The following POU6F2 variants were observed in gnomAD, a reference collection of about 807,000 sequenced individuals.
POU6F2 encodes POU class 6 homeobox 2.
In POU6F2, 31 loss-of-function variants were observed where a neutral mutation model predicts 71.3. The observed-to-expected ratio is 0.43, with a 90% confidence interval of 0.33 to 0.59. The LOEUF (loss-of-function observed/expected upper bound fraction) is 0.59. Ranked by LOEUF, POU6F2 falls within the 20% of genes least tolerant of loss-of-function variation. The probability of loss-of-function intolerance (pLI) is 0.04; values close to 1 mark genes in which losing one functional copy is unlikely to be tolerated. For missense variants in POU6F2, 783 were observed against 856.8 expected (o/e 0.91, Z 1.07); for synonymous variants, 347 against 355.7 (o/e 0.98, Z 0.27).
rs187345392 is a variant in POU6F2 at position 39,255,270 on chromosome 7, G to A, written c.598+47650G>A. Among the ~76,000 whole-genome samples the A allele has an allele frequency of 5.6e-3, 851 of 152,210 alleles. 3 individuals are homozygous for A. The highest frequency in any genetic ancestry group is 7.5e-3 in the Non-Finnish European group (513 of 68,010). On this transcript the variant is annotated intron_variant, in intron 4 of 9. Transcript: ENST00000518318. ...AAATTATTTTAATTGGAAATAATAC[G>A]TGGTGAATGAGAAGGTCACAGCTAT...
At chr7:39,279,781 CT>C (rs1784526895) in intron 4 of POU6F2, among the ~76,000 whole-genome samples, 1 of 152,082 alleles carries the variant, frequency 6.6e-6, no homozygotes, top group Non-Finnish European at 1.5e-5. Context: ...GAGTTTCACT[CT>C]GTTGCCTGGG....
intron 2 of POU6F2, among the ~76,000 whole-genome samples, chr7:39,093,928 G>T (rs549422307): frequency 6.6e-6 from 1 of 152,018 alleles, no homozygotes; most frequent in Non-Finnish European, 1.5e-5. Context: ...GCTTCAAATT[G>T]TCTTACTGAA....
chr7:39,268,243 T>C (rs1368023039), intron 4 of POU6F2, among the ~76,000 whole-genome samples: 1 of 152,138 alleles, frequency 6.6e-6, no homozygotes, highest in East Asian at 1.9e-4. Flanking sequence ...GGAATGTAGA[T>C]AAAATAAAAT....
At position 39,049,006 on chromosome 7, in the gene POU6F2, C is replaced by T. The variant is rs1366270845; in HGVS notation, c.106-36854C>T. Among the ~76,000 whole-genome samples the T allele has an allele frequency of 2.6e-5, 4 of 152,034 alleles. No homozygotes were observed. In the East Asian group the frequency reaches 7.8e-4, roughly 30 times the overall value. ...ATTTTGGGGAAAAAGTTGTTAATGT[C>T]CCTTTAGAATCCTTTTAATTTCTGT... On this transcript the variant is annotated intron_variant, in intron 1 of 9. Transcript: ENST00000518318.
chr7:39,319,922 A>G (rs1360613774), intron 4 of POU6F2, among the ~76,000 whole-genome samples: 2 of 152,226 alleles, frequency 1.3e-5, no homozygotes, highest in Non-Finnish European at 2.9e-5. Context: ...AGAGATGTCT[A>G]CCTAATTCTC....
chr7:39,461,683 A>G (rs1395178518), intron 9 of POU6F2, among the ~76,000 whole-genome samples: 1 of 152,228 alleles, frequency 6.6e-6, no homozygotes, highest in East Asian at 1.9e-4. Flanking sequence ...AGTATGGGGT[A>G]GTAGCTTGCA....
In POU6F2 at chr7:39,451,628, C is replaced by T. The variant is rs754312073; in HGVS notation, c.1416C>T (p.Pro472=). 1.1e-5 allele frequency: 17 copies of T among 1,613,514 alleles called. No homozygotes were observed. Among genetic ancestry groups the T allele is most frequent in the South Asian group, 7.7e-5 (7 of 90,866 alleles). ...GCCAAGCATCCATGTCTCAAAGTCC[C>T]GTCCGGCAGGCTTCCTCTTCTTCCT... The part of the protein sequence containing the change: ...AHSQASMSQS[P]VRQASSSSSS... Residue 472 remains proline, a synonymous_variant, in exon 8 of 10, where the codon CCC becomes CCT. Transcript: ENST00000518318.
chr7:39,008,326 T>C (rs1789146741), intron 1 of POU6F2, among the ~76,000 whole-genome samples: 1 of 152,116 alleles, frequency 6.6e-6, no homozygotes, highest in Admixed American at 6.5e-5. Context: ...AAATATCTTC[T>C]TTTGAGAAGT....
intron 1 of POU6F2, among the ~76,000 whole-genome samples, chr7:39,015,437 T>G (rs1789454831): frequency 7.9e-6 from 1 of 127,254 alleles, no homozygotes; most frequent in Non-Finnish European, 1.6e-5. Flanking sequence ...ATATATAATA[T>G]ATAATCTAAT....
intron 1 of POU6F2, among the ~76,000 whole-genome samples, chr7:39,015,861 AATATAT>A (rs1789497558): frequency 3.5e-5 from 2 of 57,236 alleles, no homozygotes; most frequent in South Asian, 5.2e-4. Flanking sequence ...AGATATATAT[AATATAT>A]TATATATAGA....
At chr7:39,058,550 C>G (rs1373881994) in intron 1 of POU6F2, among the ~76,000 whole-genome samples, 1 of 152,166 alleles carries the variant, frequency 6.6e-6, no homozygotes, top group Non-Finnish European at 1.5e-5. Context: ...TTCCATCACT[C>G]TGCATTCTTG....
At chr7:39,117,916 C>T (rs1791966935) in intron 2 of POU6F2, among the ~76,000 whole-genome samples, 1 of 152,060 alleles carries the variant, frequency 6.6e-6, no homozygotes, top group Non-Finnish European at 1.5e-5. Flanking sequence ...ACCCAAAGGG[C>T]CAAAAACAAA....
At chr7:39,147,460 G>T (rs941259016) in intron 2 of POU6F2, among the ~76,000 whole-genome samples, 3 of 152,174 alleles carry the variant, frequency 2.0e-5, no homozygotes, top group African/African-American at 7.2e-5. Context: ...ACCTATATGG[G>T]AGTTGAGGTC....
At chr7:39,186,292 G>C (rs1049960684) in intron 2 of POU6F2, among the ~76,000 whole-genome samples, 1 of 152,162 alleles carries the variant, frequency 6.6e-6, no homozygotes, top group African/African-American at 2.4e-5. Context: ...GAGCTACTGG[G>C]AATGGAGTGC....
At chr7:39,217,149 C>G (rs1224021981) in intron 4 of POU6F2, among the ~76,000 whole-genome samples, 7 of 152,146 alleles carry the variant, frequency 4.6e-5, no homozygotes, top group Admixed American at 1.3e-4. Context: ...GCTGTCTTGA[C>G]CTTCTAACCA....
intron 4 of POU6F2, among the ~76,000 whole-genome samples, chr7:39,254,453 G>A (rs1167860341): frequency 1.3e-5 from 2 of 152,058 alleles, no homozygotes; most frequent in Non-Finnish European, 1.5e-5. Flanking sequence ...AAGAAAGAGG[G>A]TGTCCATTAT....
intron 5 of POU6F2, among the ~76,000 whole-genome samples, chr7:39,388,038 G>A (rs1786983377): frequency 6.6e-6 from 1 of 152,196 alleles, no homozygotes; most frequent in African/African-American, 2.4e-5. Flanking sequence ...AAATCCTCAG[G>A]TTATGACCTT....
chr7:39,146,430 A>C (rs12701698), intron 2 of POU6F2, among the ~76,000 whole-genome samples: 4 of 152,002 alleles, frequency 2.6e-5, no homozygotes, highest in Non-Finnish European at 5.9e-5. Context: ...ATCATGGGCC[A>C]TTGGAGGCAA....
chr7:39,147,809 G>C (rs976978153), intron 2 of POU6F2, among the ~76,000 whole-genome samples: 3 of 152,132 alleles, frequency 2.0e-5, no homozygotes, highest in Admixed American at 6.5e-5. Flanking sequence ...TGCCTGATTT[G>C]TGTCCTATAC....
Sources: allele counts gnomAD v4.1 joint callset (sites outside exome capture counted in the v4.1 genomes callset), GRCh38; gene constraint gnomAD v4.1.1; transcripts MANE v1.5; gene names NCBI Gene and HGNC (gene_info 2026-07-23, HGNC 2026-07-21).